Variants in PTPRK observed in about 807,000 individuals in gnomAD.
PTPRK encodes receptor-type tyrosine-protein phosphatase kappa.
Under a neutral mutation model 178.0 loss-of-function variants are expected in PTPRK, and 75 were observed. The observed-to-expected ratio is 0.42, with a 90% CI of 0.35 to 0.51. The LOEUF is 0.51. PTPRK is among the 20% of genes least tolerant of loss of function. PTPRK has a pLI of 0.02. For missense variants in PTPRK, 1,441 were observed against 1,797.8 expected, an observed-to-expected ratio of 0.80 and a Z score of 3.59; for synonymous variants, 637 against 620.6, an observed-to-expected ratio of 1.03 and a Z score of -0.39.
intron 5 of PTPRK, among the ~76,000 whole-genome samples, chr6:128,234,150 A>C (rs1812803034): frequency 6.6e-6 from 1 of 152,226 alleles, no homozygotes; most frequent in Non-Finnish European, 1.5e-5. Context: ...GAAACTCAGA[A>C]CATGTTTATT....
intron 7 of PTPRK, among the ~76,000 whole-genome samples, chr6:128,167,895 A>G (rs1376895496): frequency 1.3e-5 from 2 of 152,084 alleles, no homozygotes; most frequent in South Asian, 4.1e-4. Context: ...GCATTTTATT[A>G]ACCATTAAGT....
intron 1 of PTPRK, among the ~76,000 whole-genome samples, chr6:128,516,531 A>C (rs1313900652): frequency 6.6e-6 from 1 of 152,218 alleles, no homozygotes; most frequent in Non-Finnish European, 1.5e-5. Context: ...ACCTTAAAGC[A>C]AGCTGGCTCC....
chr6:128,042,909 C>T (rs1023566979), intron 13 of PTPRK, among the ~76,000 whole-genome samples: 1 of 151,832 alleles, frequency 6.6e-6, no homozygotes, highest in Admixed American at 6.6e-5. Context: ...AAGTATTTTG[C>T]CATCTTTGCT....
chr6:128,209,022 G>A (rs1179717506), intron 6 of PTPRK, among the ~76,000 whole-genome samples: 2 of 151,958 alleles, frequency 1.3e-5, no homozygotes, highest in South Asian at 2.1e-4. Flanking sequence ...ATTACACAAT[G>A]CTTTAACAAC....
At chr6:128,244,891 G>A (rs1402239946) in intron 3 of PTPRK, among the ~76,000 whole-genome samples, 1 of 152,170 alleles carries the variant, frequency 6.6e-6, no homozygotes, top group Non-Finnish European at 1.5e-5. Flanking sequence ...TCTAACATAA[G>A]AAAGAGGTCA....
chr6:128,319,185 T>C (rs1828453557), intron 3 of PTPRK, among the ~76,000 whole-genome samples: 1 of 152,194 alleles, frequency 6.6e-6, no homozygotes, highest in South Asian at 2.1e-4. Context: ...TCTAGTCTCA[T>C]TTCTACTTGA....
intron 7 of PTPRK, among the ~76,000 whole-genome samples, chr6:128,131,875 T>A (rs1247750748): frequency 6.6e-6 from 1 of 152,214 alleles, no homozygotes; most frequent in South Asian, 2.1e-4. Flanking sequence ...AGTCATCACT[T>A]TTTTGTTATT....
intron 3 of PTPRK, among the ~76,000 whole-genome samples, chr6:128,296,932 A>C (rs921460553): frequency 2.6e-5 from 4 of 152,024 alleles, no homozygotes; most frequent in Non-Finnish European, 5.9e-5. Flanking sequence ...AGACTGGCAA[A>C]TCGGATAAAG....
At chr6:128,513,483 C>CAAAA (rs201571531) in intron 1 of PTPRK, among the ~76,000 whole-genome samples, 2 of 82,274 alleles carry the variant, frequency 2.4e-5, no homozygotes, top group Non-Finnish European at 2.5e-5. Context: ...ACTCCATCTC[C>CAAAA]AAAAAAAAAA....
intron 18 of PTPRK, 50 bp from the exon 19 acceptor site, chr6:127,992,759 AAATG>A: frequency 7.0e-7 from 1 of 1,426,594 alleles, no homozygotes; most frequent in Non-Finnish European, 9.6e-7. Context: ...TATCAGAAAT[AAATG>A]AATGAAGGCA....
Position 128,520,429 on chromosome 6 carries a change from G to A in PTPRK, c.-71C>T. ...GGGGGATCGCCGCGAAATCCACGAC[G>A]GAGGAGCGGGCCGGGCCTCGCGGGG... On this transcript the variant is annotated 5_prime_UTR_variant, in exon 1 of 30. Transcript: ENST00000368226. 6.9e-7 allele frequency: 1 copy of A among 1,454,284 alleles called. No individual in the cohort carries two copies. The highest frequency in any genetic ancestry group is 9.4e-7 in the Non-Finnish European group (1 of 1,059,754). 90.1% of individuals were successfully genotyped at this position (1,454,284 alleles called of 1,614,324 possible). A position where few individuals can be genotyped will look rare whatever the true frequency, so the allele number is the denominator to read the frequency against.
intron 2 of PTPRK, among the ~76,000 whole-genome samples, chr6:128,390,127 T>G (rs923223941): frequency 6.6e-6 from 1 of 152,138 alleles, no homozygotes; most frequent in South Asian, 2.1e-4. Flanking sequence ...AAGCCCATAA[T>G]TCTCATCCTA....
intron 1 of PTPRK, among the ~76,000 whole-genome samples, chr6:128,507,570 C>T (rs1856559392): frequency 6.6e-6 from 1 of 152,112 alleles, no homozygotes; most frequent in Non-Finnish European, 1.5e-5. Flanking sequence ...AGGACTCTGC[C>T]AGCCACTGGT....
At chr6:128,016,566 T>G (rs113792694) in intron 13 of PTPRK, among the ~76,000 whole-genome samples, 2,706 of 152,004 alleles carry the variant, frequency 0.018, 83 homozygotes, top group African/African-American at 0.062. Context: ...TGCCATATTT[T>G]GGGGTAATGT....
intron 1 of PTPRK, among the ~76,000 whole-genome samples, chr6:128,496,018 A>G (rs1201064116): frequency 6.7e-6 from 1 of 149,498 alleles, no homozygotes; most frequent in African/African-American, 2.6e-5. Context: ...AACCCCCTAT[A>G]TTTTTTTCTG....
chr6:128,280,047 A>T (rs1821425321), intron 3 of PTPRK, among the ~76,000 whole-genome samples: 2 of 152,170 alleles, frequency 1.3e-5, no homozygotes, highest in African/African-American at 4.8e-5. Context: ...TCAATTTTTT[A>T]AATTCATGCA....
At chr6:128,467,490 T>C (rs981145591) in intron 1 of PTPRK, among the ~76,000 whole-genome samples, 4 of 152,214 alleles carry the variant, frequency 2.6e-5, no homozygotes, top group African/African-American at 7.2e-5. Flanking sequence ...AACTTACAGA[T>C]CTGTGTCATT....
intron 11 of PTPRK, among the ~76,000 whole-genome samples, chr6:128,076,318 T>C (rs146212440): frequency 1.3e-5 from 2 of 152,054 alleles, no homozygotes; most frequent in Non-Finnish European, 2.9e-5. Flanking sequence ...AGTAGGAATG[T>C]GGTCAGAGGA....
At chr6:128,017,747 AATAAATATATATACATAT>A (rs1343088124) in intron 13 of PTPRK, among the ~76,000 whole-genome samples, 1 of 49,420 alleles carries the variant, frequency 2.0e-5, no homozygotes, top group African/African-American at 8.8e-5. Flanking sequence ...ATAATATATA[AATAAATATATATACATAT>A]ATAAATATTT....
Sources: gnomAD v4.1 joint callset for allele counts (sites outside exome capture counted in the v4.1 genomes callset) on GRCh38, gnomAD v4.1.1 for gene constraint, MANE v1.5 for transcripts, NCBI Gene and HGNC (gene_info 2026-07-23, HGNC 2026-07-21) for gene names.